FNBP1L: variants seen among roughly 807,000 people sequenced by gnomAD.
FNBP1L encodes formin-binding protein 1-like.
In FNBP1L, 36 loss-of-function variants were observed where a neutral mutation model predicts 91.2. That is an observed-to-expected ratio of 0.39 (90% CI 0.30 to 0.52). FNBP1L has a LOEUF of 0.52. Ranked by LOEUF, FNBP1L falls within the 20% of genes least tolerant of loss-of-function variation. The pLI, the probability that FNBP1L is intolerant of heterozygous loss-of-function variation, is 0.66. For missense variants in FNBP1L, 571 were observed against 732.1 expected (o/e 0.78, Z 2.54); for synonymous variants, 242 against 237.0 (o/e 1.02, Z -0.19).
intron 2 of FNBP1L, among the ~76,000 whole-genome samples, chr1:93,503,374 T>C (rs2101728571): frequency 6.6e-6 from 1 of 152,248 alleles, no homozygotes; most frequent in South Asian, 2.1e-4. Flanking sequence ...ACATGGGGAT[T>C]ATGGGAACTG....
chr1:93,470,660 G>C (rs1669251683), intron 1 of FNBP1L, among the ~76,000 whole-genome samples: 3 of 151,940 alleles, frequency 2.0e-5, no homozygotes, highest in Admixed American at 6.6e-5. Context: ...ATCACCTGAG[G>C]TCAGGAGTTC....
chr1:93,476,692 T>C (rs1669507561), intron 1 of FNBP1L, among the ~76,000 whole-genome samples: 4 of 151,984 alleles, frequency 2.6e-5, no homozygotes, highest in Admixed American at 2.6e-4. Flanking sequence ...AATAGGTGTG[T>C]GTGAGTGGGC....
chr1:93,484,047 G>A (rs1374283983), intron 1 of FNBP1L, among the ~76,000 whole-genome samples: 3 of 152,196 alleles, frequency 2.0e-5, no homozygotes, highest in Non-Finnish European at 2.9e-5. Flanking sequence ...TCCTGCCTCA[G>A]CCTCCTGAGT....
intron 10 of FNBP1L, 48 bp from the exon 11 acceptor site, chr1:93,540,994 C>T (rs968861456): frequency 2.0e-6 from 3 of 1,521,390 alleles, no homozygotes; most frequent in East Asian, 4.9e-5. Flanking sequence ...ATTATGGTTT[C>T]CTGTGAATAA....
At chr1:93,551,252 C>T in intron 16 of FNBP1L, 147 bp downstream of exon 16, 1 of 1,375,430 alleles carries the variant, frequency 7.3e-7, no homozygotes, top group Non-Finnish European at 9.5e-7. Flanking sequence ...ACTATGTGAG[C>T]TGAGTGTAGG....
At chr1:93,548,818 A>C (rs780342677) in intron 14 of FNBP1L, among the ~76,000 whole-genome samples, 9 of 152,276 alleles carry the variant, frequency 5.9e-5, no homozygotes, top group Admixed American at 1.3e-4. Context: ...AGGTTACAGG[A>C]CTTCTTGTGA....
intron 4 of FNBP1L, 110 bp downstream of exon 4, chr1:93,523,601 C>A: frequency 9.9e-7 from 1 of 1,005,504 alleles, no homozygotes; most frequent in Non-Finnish European, 1.4e-6. Context: ...TTCTATTTCA[C>A]TACATTTCTT....
At chr1:93,469,605 CT>C (rs1335563367) in intron 1 of FNBP1L, among the ~76,000 whole-genome samples, 4 of 152,040 alleles carry the variant, frequency 2.6e-5, no homozygotes, top group Non-Finnish European at 5.9e-5. Context: ...CCTTAGTTAA[CT>C]TTTAAGTATG....
chr1:93,523,586 G>A, intron 4 of FNBP1L, 95 bp downstream of exon 4: 1 of 1,156,624 alleles, frequency 8.6e-7, no homozygotes, highest in Non-Finnish European at 1.2e-6. Flanking sequence ...AGCATAAACT[G>A]GTTTTTCTAT....
intron 11 of FNBP1L, among the ~76,000 whole-genome samples, chr1:93,542,897 C>G (rs1672099975): frequency 6.6e-6 from 1 of 151,562 alleles, no homozygotes; most frequent in Non-Finnish European, 1.5e-5. Flanking sequence ...GATTCTCCTG[C>G]CTCAGCCTCT....
intron 2 of FNBP1L, among the ~76,000 whole-genome samples, chr1:93,507,130 CTCTCTCTCTCTCTCTCTCTCTT>C: frequency 1.3e-5 from 2 of 148,544 alleles, no homozygotes; most frequent in Non-Finnish European, 3.0e-5. Flanking sequence ...CTCTCTCTCT[CTCTCTCTCTCTCTCTCTCTCTT>C]TCTCTCCGTC....
At chr1:93,456,572 C>T (rs1181263323) in intron 1 of FNBP1L, among the ~76,000 whole-genome samples, 1 of 141,486 alleles carries the variant, frequency 7.1e-6, no homozygotes, top group South Asian at 2.2e-4. Context: ...AGAAACCAGC[C>T]TGGGCAAGAT....
intron 1 of FNBP1L, among the ~76,000 whole-genome samples, chr1:93,471,139 T>G (rs1232288586): frequency 6.6e-6 from 1 of 152,196 alleles, no homozygotes; most frequent in African/African-American, 2.4e-5. Context: ...CCAGAAGATT[T>G]TAATATTTTG....
At chr1:93,523,192 A>AT (rs537919151) in intron 3 of FNBP1L, among the ~76,000 whole-genome samples, 152 bp from the exon 4 acceptor site, 37 of 152,192 alleles carry the variant, frequency 2.4e-4, no homozygotes, top group Non-Finnish European at 4.6e-4. Context: ...TTAATGCAGG[A>AT]TTTTTTTCCA....
In FNBP1L at chr1:93,550,935, ACT is replaced by A. The variant is rs761490489; in HGVS notation, c.1652-8_1652-7del. ...CAATGCTTAAATTATGCTTGTGAAA[ACT>A]CTCATCTAGGACATAATGAAGGTAC... On this transcript the variant is annotated splice_polypyrimidine_tract_variant and intron_variant, in intron 15 of 16. Coordinates refer to ENST00000271234, the MANE Select transcript of FNBP1L (RefSeq NM_001164473.3). 9 of 1,526,222 alleles carry A rather than the reference ACT, an allele frequency of 5.9e-6. No individual in the cohort carries two copies. The highest frequency in any genetic ancestry group is 2.6e-5 in the South Asian group (2 of 77,778). The allele number at this position is 1,526,222 out of a possible 1,614,324, so 94.5% of individuals were successfully genotyped here. A position where few individuals can be genotyped will look rare whatever the true frequency, so the allele number is the denominator to read the frequency against.
At chr1:93,506,860 G>C (rs536676237) in intron 2 of FNBP1L, among the ~76,000 whole-genome samples, 1 of 152,056 alleles carries the variant, frequency 6.6e-6, no homozygotes, top group East Asian at 1.9e-4. Flanking sequence ...TGGATAAAAA[G>C]ATTAGAATCA....
At chr1:93,466,870 C>G (rs1047263688) in intron 1 of FNBP1L, among the ~76,000 whole-genome samples, 2 of 152,116 alleles carry the variant, frequency 1.3e-5, no homozygotes, top group African/African-American at 4.8e-5. Context: ...TGTCCTCCAT[C>G]TCCTTGAGAT....
chr1:93,512,244 A>C lies in FNBP1L; in HGVS notation c.141-9838A>C, dbSNP rs893955197. On this transcript the variant is annotated intron_variant, in intron 2 of 16. Transcript: ENST00000271234. The stretch of plus-strand genomic sequence containing the variant: ...TAACTATCCTAAATATATATGCACC[A>C]AATACAGGAGCACCCAGATTCATAA... 2.5e-4 allele frequency among the ~76,000 whole-genome samples: 38 copies of C among 152,200 alleles called. No homozygotes were observed. In the South Asian group the frequency reaches 4.6e-3, roughly 18 times the overall value.
At chr1:93,453,161 T>G (rs1321301398) in intron 1 of FNBP1L, among the ~76,000 whole-genome samples, 1 of 152,212 alleles carries the variant, frequency 6.6e-6, no homozygotes, top group African/African-American at 2.4e-5. Flanking sequence ...AGGGAAATTG[T>G]CATGGTATAA....
Sources: gnomAD v4.1 joint callset for allele counts (sites outside exome capture counted in the v4.1 genomes callset) on GRCh38, gnomAD v4.1.1 for gene constraint, MANE v1.5 for transcripts, NCBI Gene and HGNC (gene_info 2026-07-23, HGNC 2026-07-21) for gene names.